Variants in GNG7 observed in about 807,000 individuals in gnomAD.
GNG7 encodes guanine nucleotide-binding protein G(I)/G(S)/G(O) subunit gamma-7.
A neutral mutation model predicts 4.0 loss-of-function variants in GNG7; 1 was observed. That is an observed-to-expected ratio of 0.25 (90% confidence interval 0.09 to 1.18). The LOEUF is 1.18. Ranked by LOEUF, GNG7 falls within the 50% of genes most tolerant of loss-of-function variation. The pLI, the probability that GNG7 is intolerant of heterozygous loss-of-function variation, is 0.50. For synonymous variants in GNG7, 34 were observed against 36.9 expected, an observed-to-expected ratio of 0.92 and a Z score of 0.29; for missense variants, 86 against 91.9, an observed-to-expected ratio of 0.94 and a Z score of 0.26.
In GNG7 at chr19:2,513,600, G is replaced by C; in HGVS notation, c.*1422C>G. 1.0e-6 allele frequency: 1 copy of C among 985,410 alleles called. No individual in the cohort carries two copies. Among genetic ancestry groups the C allele is most frequent in the Non-Finnish European group, 1.2e-6 (1 of 829,896 alleles). 61.0% of individuals were successfully genotyped at this position (985,410 alleles called of 1,614,324 possible). On this transcript the variant is annotated 3_prime_UTR_variant, in exon 5 of 5. Coordinates refer to ENST00000382159, the MANE Select transcript of GNG7 (RefSeq NM_052847.3). ...GCGTCTAAGGCATCTCCCGGCCTCA[G>C]ACAGCCGTCCTGGGTTGCACGGGGG...
At chr19:2,570,110 G>A (rs1161257269) in intron 2 of GNG7, among the ~76,000 whole-genome samples, 2 of 152,004 alleles carry the variant, frequency 1.3e-5, no homozygotes, top group African/African-American at 4.8e-5. Context: ...TTCCCACTCT[G>A]TTAGTTCACG....
Position 2,633,229 on chromosome 19 carries a change from C to T in GNG7, c.-78+12995G>A, listed in dbSNP as rs773760540. ...CTGTCCTGGGCAATGGACTCTGACC[C>T]CTGCTGTAGAGGGTCAGAGAGGGTC... On this transcript the variant is annotated intron_variant, in intron 2 of 4. Transcript: ENST00000382159. This position sits in a 1 kb window ranked among gnomAD's most constrained non-coding sequence, Gnocchi z 5.9. 5.9e-5 allele frequency among the ~76,000 whole-genome samples: 9 copies of T among 152,174 alleles called. No homozygotes were observed. Among genetic ancestry groups the T allele is most frequent in the Non-Finnish European group, 8.8e-5 (6 of 68,022 alleles).
chr19:2,588,244 G>A lies in GNG7; in HGVS notation c.-77-33056C>T, dbSNP rs149649470. 3.7e-3 allele frequency among the ~76,000 whole-genome samples: 568 copies of A among 152,240 alleles called. 3 individuals carry two copies. Among genetic ancestry groups the A allele is most frequent in the African/African-American group, 0.013 (540 of 41,536 alleles). ...TTGGTGGGGGCGTGAGAGGGTGGCC[G>A]GGGACTGGTGACAATGTTGTTTGTG... On this transcript the variant is annotated intron_variant, in intron 2 of 4. Coordinates refer to ENST00000382159, the MANE Select transcript of GNG7 (RefSeq NM_052847.3).
chr19:2,578,573 G>T (rs1980410438), intron 2 of GNG7, among the ~76,000 whole-genome samples: 1 of 152,158 alleles, frequency 6.6e-6, no homozygotes, highest in African/African-American at 2.4e-5. Flanking sequence ...GCAGCCACAG[G>T]TTTCATCGCT....
rs1042232754 is a variant in GNG7, at chr19:2,611,906, G to C, written c.-78+34318C>G. 1 of 150,816 alleles carries C rather than the reference G, an allele frequency of 6.6e-6. No individual in the cohort carries two copies. The highest frequency in any genetic ancestry group is 2.1e-4 in the South Asian group (1 of 4,786). 9.3% of individuals were successfully genotyped at this position (150,816 alleles called of 1,614,324 possible). A position where few individuals can be genotyped will look rare whatever the true frequency, so the allele number is the denominator to read the frequency against. On this transcript the variant is annotated intron_variant, in intron 2 of 4. Coordinates refer to ENST00000382159, the MANE Select transcript of GNG7 (RefSeq NM_052847.3). This position sits in a 1 kb window ranked among gnomAD's most constrained non-coding sequence, Gnocchi z 6.0. ...TTTTTTTTTTTTGAGATGGAGTCTC[G>C]CTCTGTCACCAGGCTGAAGTGCAGT...
intron 2 of GNG7, among the ~76,000 whole-genome samples, chr19:2,578,869 C>G (rs1378188371): frequency 6.6e-6 from 1 of 152,178 alleles, no homozygotes; most frequent in Non-Finnish European, 1.5e-5. Context: ...AGGGGTGGAT[C>G]GGGGCCTCAA....
chr19:2,545,672 G>T (rs1475888633), intron 3 of GNG7, among the ~76,000 whole-genome samples: 1 of 118,112 alleles, frequency 8.5e-6, no homozygotes, highest in South Asian at 2.8e-4. Context: ...AAAAAAAAAA[G>T]GCCAGGTGCA....
At chr19:2,518,820 A>T (rs1461884226) in intron 4 of GNG7, among the ~76,000 whole-genome samples, 1 of 151,414 alleles carries the variant, frequency 6.6e-6, no homozygotes, top group Non-Finnish European at 1.5e-5. Context: ...TCTGAGATGG[A>T]GTCTCACCCT....
intron 3 of GNG7, among the ~76,000 whole-genome samples, chr19:2,527,545 T>A (rs1322317245): frequency 1.3e-5 from 2 of 152,148 alleles, no homozygotes; most frequent in African/African-American, 4.8e-5. Flanking sequence ...GCGACAAAAT[T>A]GACAGTGGTG....
At chr19:2,684,469 T>C (rs1326660871) in intron 1 of GNG7, among the ~76,000 whole-genome samples, 1 of 151,624 alleles carries the variant, frequency 6.6e-6, no homozygotes, top group Non-Finnish European at 1.5e-5. Context: ...CCCAAAGTGG[T>C]AGCGACACAA....
chr19:2,697,863 T>A (rs1455364036), intron 1 of GNG7, among the ~76,000 whole-genome samples: 2 of 151,644 alleles, frequency 1.3e-5, no homozygotes, highest in African/African-American at 4.9e-5. Flanking sequence ...TGGAAGCTAC[T>A]CGGGAGGCTG....
chr19:2,627,293 T>C (rs1304202425), intron 2 of GNG7, among the ~76,000 whole-genome samples: 2 of 152,104 alleles, frequency 1.3e-5, no homozygotes, highest in Non-Finnish European at 2.9e-5. Flanking sequence ...GTCAGCACCC[T>C]GCAGTGCCCA....
intron 1 of GNG7, among the ~76,000 whole-genome samples, chr19:2,647,352 A>G (rs1041244776): frequency 1.3e-5 from 2 of 152,106 alleles, no homozygotes; most frequent in East Asian, 3.9e-4. Flanking sequence ...CGCGTGACAC[A>G]TGGGGAGAGG....
Position 2,578,244 on chromosome 19 carries a change from T to C in GNG7, c.-77-23056A>G, listed in dbSNP as rs1449959966. Among the ~76,000 whole-genome samples, 3 of 151,910 alleles carry C rather than the reference T, an allele frequency of 2.0e-5. No homozygotes were observed. In the East Asian group the frequency reaches 5.8e-4, roughly 29 times the overall value. ...GCTCAGAGATCTGCTGAGACACAGG[T>C]AGCGTAGGCAGAGCTGGGACAAATC... is the stretch of plus-strand genomic sequence containing the variant. On this transcript the variant is annotated intron_variant, in intron 2 of 4. Transcript: ENST00000382159.
chr19:2,581,429 T>C (rs1980503012), intron 2 of GNG7, among the ~76,000 whole-genome samples: 1 of 151,780 alleles, frequency 6.6e-6, no homozygotes, highest in African/African-American at 2.4e-5. Flanking sequence ...GCAGAGATAC[T>C]GAGTTCCCAA....
chr19:2,671,626 C>A (rs1983455039), intron 1 of GNG7, among the ~76,000 whole-genome samples: 1 of 151,986 alleles, frequency 6.6e-6, no homozygotes, highest in South Asian at 2.1e-4. Context: ...ATGCGGAGCC[C>A]CAGAGAGACA....
intron 2 of GNG7, among the ~76,000 whole-genome samples, chr19:2,601,456 T>C (rs1981197218): frequency 6.6e-6 from 1 of 152,130 alleles, no homozygotes; most frequent in Non-Finnish European, 1.5e-5. Flanking sequence ...GCAATATACG[T>C]GTCTGTCTCC....
chr19:2,648,754 C>T (rs1982732105), intron 1 of GNG7, among the ~76,000 whole-genome samples: 2 of 152,140 alleles, frequency 1.3e-5, no homozygotes. Flanking sequence ...CTCAGGGCAG[C>T]AGGGATGAGT....
At chr19:2,638,707 C>T (rs942381914) in intron 2 of GNG7, among the ~76,000 whole-genome samples, 1 of 144,876 alleles carries the variant, frequency 6.9e-6, no homozygotes, top group Admixed American at 6.9e-5. Context: ...GTCGTGACAA[C>T]CAGAGACATC....
Sources: gnomAD v4.1 joint callset for allele counts (sites outside exome capture counted in the v4.1 genomes callset) on GRCh38, gnomAD v4.1.1 for gene constraint, Gnocchi (gnomAD v3.1) non-coding constraint, MANE v1.5 for transcripts, NCBI Gene and HGNC (gene_info 2026-07-23, HGNC 2026-07-21) for gene names.